Variants in MEI1 observed in about 807,000 individuals in gnomAD.
MEI1 encodes meiosis inhibitor protein 1.
MEI1 carries 103 observed loss-of-function variants against 146.2 expected under a neutral mutation model. The ratio of observed to expected loss-of-function variants is 0.70; its 90% CI spans 0.60 to 0.83. MEI1 has a LOEUF of 0.83. Ranked by LOEUF, MEI1 falls within the 40% of genes least tolerant of loss-of-function variation. The pLI is 0.00. For synonymous variants in MEI1, 652 were observed against 628.2 expected (o/e 1.04, Z -0.57); for missense variants, 1,529 against 1,533.0 (o/e 1.00, Z 0.04).
rs763252765 is a variant in MEI1, at chr22:41,732,524, C to T, written c.1252C>T (p.Arg418Cys). The change falls in exon 11 of 31, where the codon CGT (arginine) becomes TGT (cysteine). Residue 418 changes from arginine (R) to cysteine (C), a missense_variant. By Grantham distance (180) the Arg-to-Cys change is radical (BLOSUM62 -3). Transcript: ENST00000401548. ...TSSAMCRDAGRALQEAVSSPV... is the reference protein window; with the variant it reads ...TSSAMCRDAGCALQEAVSSPV... The stretch of plus-strand genomic sequence containing the variant: ...CTCAGCCATGTGCAGAGATGCTGGC[C>T]GTGCCCTCCAAGAAGCAGTTAGCAG... 8 of 1,613,732 alleles carry T rather than the reference C, an allele frequency of 5.0e-6. No individual in the cohort carries two copies. The highest frequency in any genetic ancestry group is 1.6e-4 in the Middle Eastern group (1 of 6,084).
intron 22 of MEI1, among the ~76,000 whole-genome samples, chr22:41,779,067 G>A (rs1274090376): frequency 1.3e-5 from 2 of 152,110 alleles, no homozygotes; most frequent in Non-Finnish European, 2.9e-5. Flanking sequence ...GCTCATGCCT[G>A]TAATCCCAGC....
At chr22:41,752,937 T>G (rs571682106) in intron 16 of MEI1, among the ~76,000 whole-genome samples, 46 of 152,052 alleles carry the variant, frequency 3.0e-4, no homozygotes, top group Non-Finnish European at 6.3e-4. Context: ...TCCCAGCACT[T>G]TGGGAGGCCA....
chr22:41,761,987 T>C (rs997505203), intron 18 of MEI1, among the ~76,000 whole-genome samples: 2 of 152,262 alleles, frequency 1.3e-5, no homozygotes, highest in African/African-American at 4.8e-5. Flanking sequence ...TATGGCTGAT[T>C]AATATACCTT....
intron 1 of MEI1, among the ~76,000 whole-genome samples, chr22:41,702,417 G>A (rs1159246451): frequency 1.3e-5 from 2 of 151,062 alleles, no homozygotes; most frequent in African/African-American, 4.9e-5. Context: ...GGGATTACAG[G>A]TGTGAGCCAC....
At chr22:41,735,984 C>T (rs2072328276) in intron 11 of MEI1, among the ~76,000 whole-genome samples, 1 of 152,182 alleles carries the variant, frequency 6.6e-6, no homozygotes, top group Admixed American at 6.5e-5. Flanking sequence ...CAGGTATTTA[C>T]CTTCTCATGG....
At chr22:41,743,036 A>G in intron 11 of MEI1, 44 bp from the exon 12 acceptor site, 1 of 1,403,318 alleles carries the variant, frequency 7.1e-7, no homozygotes, top group Non-Finnish European at 1.0e-6. Flanking sequence ...TCTTGGGAAT[A>G]CCGTTGCCTT....
intron 3 of MEI1, among the ~76,000 whole-genome samples, chr22:41,707,651 A>G (rs1348370085): frequency 6.6e-6 from 1 of 152,190 alleles, no homozygotes. Flanking sequence ...TTAAAAAAAA[A>G]GTGTTAAGGG....
At chr22:41,699,918 C>T (rs983979409) in intron 1 of MEI1, among the ~76,000 whole-genome samples, 11 of 152,238 alleles carry the variant, frequency 7.2e-5, no homozygotes, top group Admixed American at 1.3e-4. Flanking sequence ...CTGCGGGCCT[C>T]CGTGGAGCCC....
Position 41,699,548 on chromosome 22 carries a change from A to T in MEI1, c.10A>T (p.Arg4Trp). 1 of 1,611,236 alleles carries T rather than the reference A, an allele frequency of 6.2e-7. No homozygotes were observed. The highest frequency in any genetic ancestry group is 8.5e-7 in the Non-Finnish European group (1 of 1,178,730). Residue 4 changes from arginine (R) to tryptophan (W), a missense_variant, in exon 1 of 31, where the codon AGG (arginine) becomes TGG (tryptophan). Arg to Trp is a moderately radical substitution (Grantham distance 101). Around this residue, in one of 3 missense-constraint regions of MEI1, gnomAD observed 1,212 missense variants for 1,178.9 expected, o/e 1.03. Coordinates refer to ENST00000401548, the MANE Select transcript of MEI1 (RefSeq NM_152513.4). ...GAGGGCAAGCGAGGAGATGGCTGTG[A>T]GGCAGGCGGCGACGGCGGGCACTCC... Reference protein sequence around the residue: MAVRQAATAGTPGP... With the variant: MAVWQAATAGTPGP...
intron 21 of MEI1, among the ~76,000 whole-genome samples, chr22:41,777,907 ATCTTCTTCTT>A (rs1418397992): frequency 7.4e-6 from 1 of 135,722 alleles, no homozygotes; most frequent in Non-Finnish European, 1.6e-5. Context: ...TTTCTCCTTC[ATCTTCTTCTT>A]TCTTCTTCTT....
At chr22:41,748,995 G>T (rs985132476) in intron 15 of MEI1, among the ~76,000 whole-genome samples, 8 of 151,812 alleles carry the variant, frequency 5.3e-5, no homozygotes, top group Admixed American at 5.3e-4. Flanking sequence ...TAGTAGAGAC[G>T]GGGTTTCACC....
intron 11 of MEI1, among the ~76,000 whole-genome samples, chr22:41,737,300 G>C (rs541348803): frequency 6.6e-6 from 1 of 151,590 alleles, no homozygotes; most frequent in Non-Finnish European, 1.5e-5. Flanking sequence ...GCAGTGGCGC[G>C]ATCTCGGCTC....
chr22:41,716,686 CTT>C (rs55994680), intron 5 of MEI1, among the ~76,000 whole-genome samples: 206 of 108,096 alleles, frequency 1.9e-3, no homozygotes, highest in Middle Eastern at 0.014. Flanking sequence ...TCCATTCATT[CTT>C]TTTTTTTTTT....
At chr22:41,750,409 T>A (rs1017528931) in intron 15 of MEI1, among the ~76,000 whole-genome samples, 2 of 152,246 alleles carry the variant, frequency 1.3e-5, no homozygotes, top group Non-Finnish European at 2.9e-5. Context: ...CCATTGGACT[T>A]GGCTTCATGG....
intron 18 of MEI1, 80 bp from the exon 19 acceptor site, chr22:41,763,094 A>G: frequency 6.6e-7 from 1 of 1,513,444 alleles, no homozygotes; most frequent in East Asian, 2.3e-5. Context: ...GGGCTGAGGA[A>G]GGATGCGGCC....
At chr22:41,732,390 G>A (rs1310990478) in intron 10 of MEI1, 46 bp downstream of exon 10, 1 of 1,613,574 alleles carries the variant, frequency 6.2e-7, no homozygotes, top group East Asian at 2.2e-5. Context: ...CCAGACTGCA[G>A]AAGGAAAAGT....
intron 18 of MEI1, among the ~76,000 whole-genome samples, chr22:41,761,440 G>A (rs1250492958): frequency 6.6e-6 from 1 of 150,722 alleles, no homozygotes; most frequent in Non-Finnish European, 1.5e-5. Context: ...TCAGCCTCCT[G>A]AGTAGCTGGA....
chr22:41,729,369 TAC>T (rs2071656417), intron 7 of MEI1, among the ~76,000 whole-genome samples: 1 of 152,154 alleles, frequency 6.6e-6, no homozygotes, highest in Non-Finnish European at 1.5e-5. Context: ...ACTTTGAAAG[TAC>T]TTTTGTTAAT....
rs764792855 is a variant in MEI1 at position 41,794,441 on chromosome 22, C to T, written c.3498C>T (p.Ser1166=). ...CCCTCTTGGATGCTGGAGAGAATTC[C>T]TTCCTCAGACCTGAGATTTTGAGGC... ...LFTLLDAGEN[S]FLRPEILRLM... Residue 1166 remains serine, a synonymous_variant, in exon 28 of 31, where the codon TCC becomes TCT. Coordinates refer to ENST00000401548, the MANE Select transcript of MEI1 (RefSeq NM_152513.4). 2.5e-6 allele frequency: 4 copies of T among 1,613,988 alleles called. No individual in the cohort carries two copies. In the Admixed American group the frequency reaches 6.7e-5, roughly 27 times the overall value.
Sources: gnomAD v4.1 joint callset for allele counts (sites outside exome capture counted in the v4.1 genomes callset) on GRCh38, gnomAD v4.1.1 for gene constraint, gnomAD v4.1.1 regional missense constraint, MANE v1.5 for transcripts, NCBI Gene and HGNC (gene_info 2026-07-23, HGNC 2026-07-21) for gene names.